Variants in CLSPN observed in about 807,000 individuals in gnomAD.
The protein encoded by CLSPN is claspin homolog.
Under a neutral mutation model 156.3 loss-of-function variants are expected in CLSPN, and 85 were observed. The ratio of observed to expected loss-of-function variants is 0.54; its 90% CI spans 0.46 to 0.65. CLSPN has a LOEUF of 0.65. Among genes scored for constraint, CLSPN ranks in the 30% least tolerant of loss-of-function variants. The pLI, the probability that CLSPN is intolerant of heterozygous loss-of-function variation, is 0.00. For synonymous variants in CLSPN, 534 were observed against 542.4 expected (o/e 0.98, Z 0.22); for missense variants, 1,407 against 1,554.9 (o/e 0.90, Z 1.60).
Position 35,735,780 on chromosome 1 carries a change from C to A in CLSPN, c.*716G>T. ...ACGTATCTCATGGGTGTAAAGGAGT[C>A]ATTATGGTACTGATTTTCACTGTTT... On this transcript the variant is annotated 3_prime_UTR_variant, in exon 25 of 25. Transcript: ENST00000318121. 1.0e-6 allele frequency: 1 copy of A among 985,124 alleles called. No homozygotes were observed. Among genetic ancestry groups the A allele is most frequent in the South Asian group, 4.7e-5 (1 of 21,268 alleles). 61.0% of individuals were successfully genotyped at this position (985,124 alleles called of 1,614,324 possible).
intron 17 of CLSPN, 97 bp downstream of exon 17, chr1:35,743,358 C>T: frequency 7.2e-7 from 1 of 1,386,194 alleles, no homozygotes; most frequent in Non-Finnish European, 1.0e-6. Flanking sequence ...TGATAAGATG[C>T]CAAACTTAGA....
In CLSPN at chr1:35,743,673, G is replaced by A. The variant is rs1419827217; in HGVS notation, c.2967-143C>T. On this transcript the variant is annotated intron_variant, in intron 16 of 24. Coordinates refer to ENST00000318121, the MANE Select transcript of CLSPN (RefSeq NM_022111.4). ...CAGTCTTGGTCTCTTACACCACCTG[G>A]AATACAGTGGCACCATCTCAGCTCA... 9 of 622,984 alleles carry A rather than the reference G, an allele frequency of 1.4e-5. No individual in the cohort carries two copies. In the Admixed American group the frequency reaches 2.1e-4, roughly 15 times the overall value. 38.6% of individuals were successfully genotyped at this position (622,984 alleles called of 1,614,324 possible).
intron 1 of CLSPN, among the ~76,000 whole-genome samples, chr1:35,769,016 G>A (rs2148629992): frequency 6.6e-6 from 1 of 152,282 alleles, no homozygotes; most frequent in Middle Eastern, 3.4e-3. Context: ...TTGGAAACAG[G>A]GATGGAATTA....
At chr1:35,753,975 C>T (rs758737936) in intron 8 of CLSPN, 39 bp from the exon 9 acceptor site, 3 of 1,587,460 alleles carry the variant, frequency 1.9e-6, no homozygotes, top group Non-Finnish European at 2.6e-6. Context: ...GTTTGCCATG[C>T]TCAAAACTCT....
intron 9 of CLSPN, among the ~76,000 whole-genome samples, chr1:35,753,143 A>C (rs1003507060): frequency 3.3e-5 from 5 of 152,190 alleles, no homozygotes; most frequent in African/African-American, 1.2e-4. Context: ...CCTAGGCTGG[A>C]GTGCAGTGCC....
Position 35,738,032 on chromosome 1 carries a change from T to A in CLSPN, c.3624A>T (p.Ile1208=), listed in dbSNP as rs1641534340. ...CTTTGGCTGTAACTTTCTTGGCCAGTATCATAAACTGACTGTCCTCCCCAA... is the reference window on the plus strand; with the variant it reads ...CTTTGGCTGTAACTTTCTTGGCCAGAATCATAAACTGACTGTCCTCCCCAA... The part of the protein sequence containing the change: ...EEIGEDSQFM[I]LAKKVTAKAL... Residue 1208 remains isoleucine, a synonymous_variant, in exon 22 of 25, where the codon ATA becomes ATT. Transcript: ENST00000318121. 1 of 1,486,336 alleles carries A rather than the reference T, an allele frequency of 6.7e-7. No homozygotes were observed. The highest frequency in any genetic ancestry group is 9.0e-7 in the Non-Finnish European group (1 of 1,108,434). The allele number at this position is 1,486,336 out of a possible 1,614,324, so 92.1% of individuals were successfully genotyped here.
chr1:35,722,006 G>A (rs1418520088), intron 24 of CLSPN, among the ~76,000 whole-genome samples: 1 of 151,696 alleles, frequency 6.6e-6, no homozygotes, highest in Non-Finnish European at 1.5e-5. Context: ...AGGCATGGTG[G>A]TGCGCGTCTG....
chr1:35,766,090 G>A (rs981903355), intron 1 of CLSPN, among the ~76,000 whole-genome samples: 5 of 149,124 alleles, frequency 3.4e-5, no homozygotes, highest in Non-Finnish European at 5.9e-5. Context: ...TGCCTCCTGG[G>A]TTCAAGCGAT....
Position 35,762,459 on chromosome 1 carries a change from C to A in CLSPN, c.767G>T (p.Ser256Ile), listed in dbSNP as rs1455509071. Residue 256 changes from serine to isoleucine, a missense_variant, in exon 5 of 25, where the codon AGT becomes ATT. Transcript: ENST00000318121. The part of the protein sequence containing the change: ...KHKKKEPSLE[S>I]GVHSFEEGSE... ...TCCTTCCTCAAATGAATGGACCCCA[C>A]TCTCCAAAGATGGTTCTTTTTTCTA... 6.2e-7 allele frequency: 1 copy of A among 1,613,930 alleles called. No individual in the cohort carries two copies. Among genetic ancestry groups the A allele is most frequent in the Non-Finnish European group, 8.5e-7 (1 of 1,179,880 alleles).
chr1:35,755,792 T>C (rs1041444389), intron 8 of CLSPN, among the ~76,000 whole-genome samples: 1 of 152,200 alleles, frequency 6.6e-6, no homozygotes, highest in African/African-American at 2.4e-5. Flanking sequence ...CACTGCAACC[T>C]TGACCTCCTG....
intron 3 of CLSPN, among the ~76,000 whole-genome samples, chr1:35,763,724 C>G (rs550700297): frequency 6.6e-6 from 1 of 152,064 alleles, no homozygotes; most frequent in South Asian, 2.1e-4. Flanking sequence ...AAATCAGAAA[C>G]CCATTTATTT....
In CLSPN at chr1:35,735,440, G is replaced by T. The variant is rs768605463; in HGVS notation, c.*1056C>A. The T allele has an allele frequency of 8.1e-6, 8 of 984,240 alleles. No homozygotes were observed. The highest frequency in any genetic ancestry group is 9.7e-6 in the Non-Finnish European group (8 of 828,986). The allele number at this position is 984,240 out of a possible 1,614,324, so 61.0% of individuals were successfully genotyped here. On this transcript the variant is annotated 3_prime_UTR_variant, in exon 25 of 25. Transcript: ENST00000318121. ...ATCGTTCTTTTGGCTGGGCACAGTG[G>T]CTCACGCCTGTAATCTCAGCACTTT...
At chr1:35,759,950 C>A (rs1250063982) in intron 8 of CLSPN, among the ~76,000 whole-genome samples, 2 of 151,858 alleles carry the variant, frequency 1.3e-5, no homozygotes, top group Non-Finnish European at 2.9e-5. Flanking sequence ...TCTCCTGCCC[C>A]AGCCTCCCGA....
chr1:35,754,836 A>G (rs921860941), intron 8 of CLSPN, among the ~76,000 whole-genome samples: 4 of 152,218 alleles, frequency 2.6e-5, no homozygotes, highest in Admixed American at 6.5e-5. Context: ...CTCAACTTGT[A>G]TACAAACGGA....
intron 14 of CLSPN, among the ~76,000 whole-genome samples, chr1:35,747,576 T>C (rs1047019520): frequency 1.1e-4 from 16 of 152,222 alleles, no homozygotes; most frequent in Non-Finnish European, 1.9e-4. Context: ...TTATGTCCTG[T>C]AATGTGCCAC....
intron 24 of CLSPN, among the ~76,000 whole-genome samples, chr1:35,723,021 G>C (rs1641110174): frequency 6.6e-6 from 1 of 152,116 alleles, no homozygotes; most frequent in Non-Finnish European, 1.5e-5. Context: ...AGCAGTCCTG[G>C]TCACTCCATA....
At position 35,732,971 on chromosome 1, in the gene CLSPN, C is replaced by T. The variant is rs958931787; in HGVS notation, c.*3525G>A. 3 of 773,560 alleles carry T rather than the reference C, an allele frequency of 3.9e-6. No homozygotes were observed. Among genetic ancestry groups the T allele is most frequent in the Non-Finnish European group, 4.7e-6 (3 of 638,844 alleles). 47.9% of individuals were successfully genotyped at this position (773,560 alleles called of 1,614,324 possible). A position where few individuals can be genotyped will look rare whatever the true frequency, so the allele number is the denominator to read the frequency against. On this transcript the variant is annotated 3_prime_UTR_variant, in exon 25 of 25. Coordinates refer to ENST00000318121, the MANE Select transcript of CLSPN (RefSeq NM_022111.4). ...CAATCAGAAACCATTTTCTTTCTTT[C>T]TTTTTTTTTTTGAGAGGGAGTCTCA...
At position 35,764,253 on chromosome 1, in the gene CLSPN, C is replaced by A; in HGVS notation, c.582+13G>T. ...CCTACCCAAGCAATAGCAAATTATT[C>A]TTTAAAATGTACCTGGTTTTTTGTT... is the stretch of plus-strand genomic sequence containing the variant. On this transcript the variant is annotated intron_variant, in intron 3 of 24. Coordinates refer to ENST00000318121, the MANE Select transcript of CLSPN (RefSeq NM_022111.4). The A allele has an allele frequency of 6.6e-7, 1 of 1,519,242 alleles. No individual in the cohort carries two copies. Among genetic ancestry groups the A allele is most frequent in the Non-Finnish European group, 8.9e-7 (1 of 1,129,854 alleles). 94.1% of individuals were successfully genotyped at this position (1,519,242 alleles called of 1,614,324 possible). A position where few individuals can be genotyped will look rare whatever the true frequency, so the allele number is the denominator to read the frequency against.
At chr1:35,726,174 A>AAAAAAAC in intron 24 of CLSPN, among the ~76,000 whole-genome samples, 1 of 150,852 alleles carries the variant, frequency 6.6e-6, no homozygotes, top group Non-Finnish European at 1.5e-5. Context: ...AAAAAAAAAA[A>AAAAAAAC]AGCGCATAGC....
Sources: allele counts gnomAD v4.1 joint callset (sites outside exome capture counted in the v4.1 genomes callset), GRCh38; gene constraint gnomAD v4.1.1; transcripts MANE v1.5; gene names NCBI Gene and HGNC (gene_info 2026-07-23, HGNC 2026-07-21).